FUT8: variants seen among roughly 807,000 people sequenced by gnomAD.
The protein encoded by FUT8 is fucosyltransferase 8, also known as alpha-(1,6)-fucosyltransferase.
A neutral mutation model predicts 71.3 loss-of-function variants in FUT8; 29 were observed. The ratio of observed to expected loss-of-function variants is 0.41; its 90% CI spans 0.30 to 0.55. The LOEUF is 0.55. FUT8 is among the 20% of genes least tolerant of loss of function. The pLI, the probability that FUT8 is intolerant of heterozygous loss-of-function variation, is 0.34. For synonymous variants in FUT8, 254 were observed against 239.3 expected (o/e 1.06, Z -0.57); for missense variants, 544 against 702.1 (o/e 0.77, Z 2.55).
rs976554240 is a variant in FUT8, at chr14:65,467,501, G to A, written c.-228+11783G>A. On this transcript the variant is annotated intron_variant, in intron 2 of 10. Coordinates refer to ENST00000673929, the MANE Select transcript of FUT8 (RefSeq NM_001371533.1). This position sits in a 1 kb window ranked among gnomAD's most constrained non-coding sequence, Gnocchi z 4.1. ...TCTTTTCTTTTTTATTTTTGAGACAGAGTCTCACACTGTCGCCCGGGCTGG... is the reference window on the plus strand; with the variant it reads ...TCTTTTCTTTTTTATTTTTGAGACAAAGTCTCACACTGTCGCCCGGGCTGG... Among the ~76,000 whole-genome samples, 1 of 151,738 alleles carries A rather than the reference G, an allele frequency of 6.6e-6. No individual in the cohort carries two copies. Among genetic ancestry groups the A allele is most frequent in the Non-Finnish European group, 1.5e-5 (1 of 67,982 alleles).
chr14:65,737,692 AT>A (rs1207699850), intron 10 of FUT8, among the ~76,000 whole-genome samples: 1 of 152,104 alleles, frequency 6.6e-6, no homozygotes, highest in Non-Finnish European at 1.5e-5. Context: ...AAAGACTAAC[AT>A]TGTTAAAGAC....
At chr14:65,592,727 T>G (rs1317424867) in intron 3 of FUT8, among the ~76,000 whole-genome samples, 1 of 152,212 alleles carries the variant, frequency 6.6e-6, no homozygotes. Context: ...CCTATTGATC[T>G]GCAGTCTGTT....
chr14:65,546,404 G>T (rs895841866), intron 2 of FUT8, among the ~76,000 whole-genome samples: 23 of 151,742 alleles, frequency 1.5e-4, no homozygotes, highest in Admixed American at 4.6e-4. Flanking sequence ...TTTATTGGCC[G>T]AAAATAGAGT....
At chr14:65,512,980 C>G (rs1285871125) in intron 2 of FUT8, among the ~76,000 whole-genome samples, 1 of 151,024 alleles carries the variant, frequency 6.6e-6, no homozygotes, top group Non-Finnish European at 1.5e-5. Flanking sequence ...TTTCTTAGTA[C>G]TCTTTCTTTC....
At chr14:65,367,734 T>C in the FUT8 span, among the ~76,000 whole-genome samples, 1 of 152,174 alleles carries the variant, frequency 6.6e-6, no homozygotes, top group African/African-American at 2.4e-5. Context: ...AGAACACTTC[T>C]GAAATTCTCT....
intron 2 of FUT8, among the ~76,000 whole-genome samples, chr14:65,499,919 T>G (rs917456316): frequency 6.6e-6 from 1 of 152,174 alleles, no homozygotes; most frequent in Admixed American, 6.5e-5. Context: ...CTAATTGACC[T>G]TAGGGTAAAA....
chr14:65,524,142 G>T (rs1411614040), intron 2 of FUT8, among the ~76,000 whole-genome samples: 2 of 152,182 alleles, frequency 1.3e-5, no homozygotes, highest in African/African-American at 2.4e-5. Context: ...GGATGGCATT[G>T]AATCTATAAA....
chr14:65,486,639 T>G (rs2066413214), intron 2 of FUT8, among the ~76,000 whole-genome samples: 1 of 152,200 alleles, frequency 6.6e-6, no homozygotes, highest in Admixed American at 6.5e-5. Context: ...CAGTGTAGCT[T>G]ATGGCTTTGC....
rs531630078 is a variant in FUT8 at position 65,523,435 on chromosome 14, T to C, written c.-227-37902T>C. 2.0e-5 allele frequency among the ~76,000 whole-genome samples: 3 copies of C among 152,366 alleles called. No individual in the cohort carries two copies. The East Asian group carries it at 5.8e-4, about 29-fold the overall frequency. Reference sequence around the variant, plus strand: ...TTGATGAGGTTGTTTGTTTTTTTCTTGTAAATTTGTTTAAGTTCTTTGTAG... The same window carrying C: ...TTGATGAGGTTGTTTGTTTTTTTCTCGTAAATTTGTTTAAGTTCTTTGTAG... On this transcript the variant is annotated intron_variant, in intron 2 of 10. Coordinates refer to ENST00000673929, the MANE Select transcript of FUT8 (RefSeq NM_001371533.1).
intron 5 of FUT8, among the ~76,000 whole-genome samples, chr14:65,622,258 T>C (rs1337550127): frequency 1.3e-5 from 2 of 151,832 alleles, no homozygotes; most frequent in Admixed American, 6.6e-5. Context: ...TTCTGAGCTT[T>C]TTCTCTTCTA....
chr14:65,451,679 G>T (rs539711288), intron 1 of FUT8, among the ~76,000 whole-genome samples: 95 of 152,332 alleles, frequency 6.2e-4, no homozygotes, highest in African/African-American at 2.1e-3. Flanking sequence ...GAAATGAAAG[G>T]GACTCTCAGT....
In FUT8 at chr14:65,692,059, C is replaced by A. The variant is rs1315858432; in HGVS notation, c.835+22579C>A. Among the ~76,000 whole-genome samples the A allele has an allele frequency of 9.6e-3, 1,461 of 151,446 alleles. 17 individuals are homozygous for A. The highest frequency in any genetic ancestry group is 0.034 in the African/African-American group (1,402 of 41,244). ...TCAATCTTTTCCCCACCTTTCCCCC[C>A]TTTCTATTCCACAAAACCGCCATTG... On this transcript the variant is annotated intron_variant, in intron 7 of 10. Coordinates refer to ENST00000673929, the MANE Select transcript of FUT8 (RefSeq NM_001371533.1).
At chr14:65,686,827 GA>G (rs988041366) in intron 7 of FUT8, among the ~76,000 whole-genome samples, 1 of 152,136 alleles carries the variant, frequency 6.6e-6, no homozygotes, top group African/African-American at 2.4e-5. Flanking sequence ...ATATTAACCA[GA>G]AAATCCTTAG....
At chr14:65,685,913 T>TA (rs1893266154) in intron 7 of FUT8, among the ~76,000 whole-genome samples, 1 of 152,254 alleles carries the variant, frequency 6.6e-6, no homozygotes, top group African/African-American at 2.4e-5. Flanking sequence ...CTGGCTTCTT[T>TA]ATGCAAGTTG....
chr14:65,406,766 G>A (rs1163840912), upstream of FUT8, among the ~76,000 whole-genome samples: 1 of 152,186 alleles, frequency 6.6e-6, no homozygotes, highest in African/African-American at 2.4e-5. Context: ...TTGAACTCCT[G>A]TCCTCAAGTA....
At chr14:65,465,349 T>TACTC (rs1313259375) in intron 2 of FUT8, among the ~76,000 whole-genome samples, 1 of 152,208 alleles carries the variant, frequency 6.6e-6, no homozygotes, top group Admixed American at 6.5e-5. Context: ...CTTACTTACT[T>TACTC]ATTTATGAAA....
At chr14:65,396,476 C>T in the FUT8 span, among the ~76,000 whole-genome samples, 77 of 152,306 alleles carry the variant, frequency 5.1e-4, 2 homozygotes, top group Non-Finnish European at 9.0e-4. This position sits in a 1 kb window ranked among gnomAD's most constrained non-coding sequence, Gnocchi z 5.5. Context: ...CCAAACAAAA[C>T]GGGGTTTCCC....
intron 3 of FUT8, among the ~76,000 whole-genome samples, chr14:65,582,572 T>G (rs2140116897): frequency 1.3e-5 from 2 of 152,320 alleles, no homozygotes; most frequent in South Asian, 4.1e-4. Context: ...GCGTGTCTTC[T>G]TCTGAGAATC....
chr14:65,654,698 T>G (rs1443238990), intron 6 of FUT8, among the ~76,000 whole-genome samples: 2 of 151,930 alleles, frequency 1.3e-5, no homozygotes, highest in African/African-American at 4.8e-5. Flanking sequence ...AAATCAAAAT[T>G]AAATACTAAA....
Sources: gnomAD v4.1 joint callset for allele counts (sites outside exome capture counted in the v4.1 genomes callset) on GRCh38, gnomAD v4.1.1 for gene constraint, Gnocchi (gnomAD v3.1) non-coding constraint, MANE v1.5 for transcripts, NCBI Gene and HGNC (gene_info 2026-07-23, HGNC 2026-07-21) for gene names.